The following PRKCA variants were observed in gnomAD, a reference collection of about 807,000 sequenced individuals.
PRKCA encodes the protein protein kinase C alpha type.
Under a neutral mutation model 87.0 loss-of-function variants are expected in PRKCA, and 27 were observed. The observed-to-expected ratio is 0.31, with a 90% CI of 0.23 to 0.43. The LOEUF (loss-of-function observed/expected upper bound fraction) is 0.43, where lower values mean the gene tolerates loss of function less well. PRKCA is among the 20% of genes least tolerant of loss of function. The pLI is 1.00. For synonymous variants in PRKCA, 329 were observed against 311.1 expected (o/e 1.06, Z -0.61); for missense variants, 518 against 852.3 (o/e 0.61, Z 4.88).
At chr17:66,536,613 AGG>A (rs1252908033) in intron 3 of PRKCA, among the ~76,000 whole-genome samples, 4 of 152,326 alleles carry the variant, frequency 2.6e-5, no homozygotes, top group Middle Eastern at 3.4e-3. Context: ...GAGCTGCAGA[AGG>A]GGGGATGCTG....
chr17:66,767,372 A>T (rs528513075), intron 13 of PRKCA, among the ~76,000 whole-genome samples: 1 of 152,174 alleles, frequency 6.6e-6, no homozygotes, highest in African/African-American at 2.4e-5. Flanking sequence ...GTGAAGACGG[A>T]CTGTAATAAC....
rs116137641 is a variant in PRKCA at position 66,631,052 on chromosome 17, T to C, written c.289-10303T>C. Among the ~76,000 whole-genome samples the C allele has an allele frequency of 8.1e-4, 123 of 152,246 alleles. 1 individual carries two copies. Among genetic ancestry groups the C allele is most frequent in the African/African-American group, 2.8e-3 (118 of 41,534 alleles). On this transcript the variant is annotated intron_variant, in intron 3 of 16. Coordinates refer to ENST00000413366, the MANE Select transcript of PRKCA (RefSeq NM_002737.3). ...AGCAGGAGATATATGAGCCGTTGAGTACTCTGCCATTTCTTTTTTTCCTCT... is the reference window on the plus strand; with the variant it reads ...AGCAGGAGATATATGAGCCGTTGAGCACTCTGCCATTTCTTTTTTTCCTCT...
At chr17:66,745,910 C>T (rs531622162) in intron 13 of PRKCA, among the ~76,000 whole-genome samples, 6 of 152,196 alleles carry the variant, frequency 3.9e-5, no homozygotes, top group South Asian at 4.2e-4. Flanking sequence ...GAAACTTGAG[C>T]GACTCACGTA....
At chr17:66,712,664 G>A (rs1031657098) in intron 8 of PRKCA, among the ~76,000 whole-genome samples, 10 of 152,074 alleles carry the variant, frequency 6.6e-5, no homozygotes, top group South Asian at 6.2e-4. Flanking sequence ...CTGTCACCTC[G>A]TCATTCCAAG....
At chr17:66,446,154 A>T (rs902332412) in intron 2 of PRKCA, among the ~76,000 whole-genome samples, 11 of 151,676 alleles carry the variant, frequency 7.3e-5, no homozygotes, top group African/African-American at 2.7e-4. Context: ...GAGTTTTAGA[A>T]CTCTGGTCTT....
chr17:66,530,246 G>A (rs1247604604), intron 3 of PRKCA, among the ~76,000 whole-genome samples: 1 of 152,100 alleles, frequency 6.6e-6, no homozygotes, highest in Admixed American at 6.5e-5. Flanking sequence ...TTTGAGCGAC[G>A]GAAGGAGGAA....
At chr17:66,346,319 G>C (rs140794522) in intron 2 of PRKCA, among the ~76,000 whole-genome samples, 3 of 151,474 alleles carry the variant, frequency 2.0e-5, no homozygotes, top group Non-Finnish European at 4.4e-5. Context: ...GGATGGTCTC[G>C]ATCTCCTGAC....
chr17:66,414,148 G>T (rs1048501433), intron 2 of PRKCA, among the ~76,000 whole-genome samples: 2 of 152,122 alleles, frequency 1.3e-5, no homozygotes, highest in Non-Finnish European at 2.9e-5. Context: ...ATATGGTTTG[G>T]ATCTGCATCC....
intron 5 of PRKCA, among the ~76,000 whole-genome samples, chr17:66,653,067 A>G (rs907830021): frequency 6.6e-6 from 1 of 152,192 alleles, no homozygotes; most frequent in Non-Finnish European, 1.5e-5. Flanking sequence ...CCTTAGAGCC[A>G]CCTGGGACTG....
chr17:66,471,993 G>A (rs188866449), intron 2 of PRKCA, among the ~76,000 whole-genome samples: 35 of 152,218 alleles, frequency 2.3e-4, no homozygotes, highest in African/African-American at 7.5e-4. Flanking sequence ...ACATGGTTTC[G>A]CTGTGTTGCC....
chr17:66,645,999 A>G (rs1466295836), intron 5 of PRKCA, among the ~76,000 whole-genome samples: 1 of 152,202 alleles, frequency 6.6e-6, no homozygotes, highest in Non-Finnish European at 1.5e-5. Context: ...TGGTGCTAGG[A>G]ACTTCACATA....
chr17:66,791,708 G>T (rs940581754), intron 16 of PRKCA, among the ~76,000 whole-genome samples: 3 of 152,214 alleles, frequency 2.0e-5, no homozygotes, highest in Non-Finnish European at 4.4e-5. Flanking sequence ...GACACGCTGG[G>T]GCAGAGACAC....
At chr17:66,442,332 C>T (rs1002310905) in intron 2 of PRKCA, among the ~76,000 whole-genome samples, 6 of 151,916 alleles carry the variant, frequency 3.9e-5, no homozygotes, top group African/African-American at 1.2e-4. Context: ...GCTGGGATTA[C>T]AGGCGTGAGC....
At chr17:66,764,909 C>T (rs1368255067) in intron 13 of PRKCA, among the ~76,000 whole-genome samples, 1 of 152,212 alleles carries the variant, frequency 6.6e-6, no homozygotes, top group Non-Finnish European at 1.5e-5. Flanking sequence ...CTCATCCATT[C>T]CATGGTCTCT....
intron 3 of PRKCA, among the ~76,000 whole-genome samples, chr17:66,540,259 G>C (rs1045858724): frequency 6.6e-6 from 1 of 152,232 alleles, no homozygotes; most frequent in African/African-American, 2.4e-5. Flanking sequence ...AGCCGTCAGA[G>C]CCAGCCCAGG....
intron 8 of PRKCA, among the ~76,000 whole-genome samples, chr17:66,717,158 T>A (rs1973497466): frequency 6.6e-6 from 1 of 152,166 alleles, no homozygotes; most frequent in Admixed American, 6.5e-5. Flanking sequence ...GATGAGTGAT[T>A]TGAGAACCTG....
chr17:66,671,347 C>T (rs1259496501), intron 5 of PRKCA, among the ~76,000 whole-genome samples: 1 of 151,952 alleles, frequency 6.6e-6, no homozygotes, highest in Admixed American at 6.6e-5. Flanking sequence ...AATGGGGCTG[C>T]CTGTGTTTTC....
chr17:66,309,849 A>G (rs773980013), intron 2 of PRKCA, among the ~76,000 whole-genome samples: 56 of 152,134 alleles, frequency 3.7e-4, no homozygotes, highest in South Asian at 4.1e-4. Context: ...TTTGTGTGGT[A>G]TGGACATTGA....
At chr17:66,425,803 C>T (rs1337839110) in intron 2 of PRKCA, among the ~76,000 whole-genome samples, 2 of 152,080 alleles carry the variant, frequency 1.3e-5, no homozygotes, top group East Asian at 1.9e-4. Flanking sequence ...CCAATGCAAA[C>T]GGCATTAAAT....
Sources: gnomAD v4.1 joint callset for allele counts (sites outside exome capture counted in the v4.1 genomes callset) on GRCh38, gnomAD v4.1.1 for gene constraint, MANE v1.5 for transcripts, NCBI Gene and HGNC (gene_info 2026-07-23, HGNC 2026-07-21) for gene names.